The following SVIL variants were observed in gnomAD, a reference collection of about 807,000 sequenced individuals.
The protein encoded by SVIL is archvillin.
In SVIL, 101 loss-of-function variants were observed where a neutral mutation model predicts 240.4. That is an observed-to-expected ratio of 0.42 (90% CI 0.36 to 0.50). SVIL has a LOEUF of 0.50. Among genes scored for constraint, SVIL ranks in the 20% least tolerant of loss-of-function variants. The pLI, the probability that SVIL is intolerant of heterozygous loss-of-function variation, is 0.01. For missense variants in SVIL, 2,512 were observed against 2,818.7 expected, an observed-to-expected ratio of 0.89 and a Z score of 2.46; for synonymous variants, 999 against 1,100.0, an observed-to-expected ratio of 0.91 and a Z score of 1.82.
chr10:29,673,479 A>G (rs1959945424), intron 2 of SVIL, among the ~76,000 whole-genome samples: 1 of 151,992 alleles, frequency 6.6e-6, no homozygotes, highest in Non-Finnish European at 1.5e-5. Context: ...AAAGAGGGTT[A>G]ATTGACTCAC....
intron 21 of SVIL, among the ~76,000 whole-genome samples, chr10:29,491,534 T>C (rs1440229977): frequency 3.9e-5 from 6 of 152,294 alleles, no homozygotes; most frequent in South Asian, 2.1e-4. Context: ...AGCTTCCACT[T>C]AACGCACTGC....
At chr10:29,673,616 A>G (rs890292555) in intron 2 of SVIL, among the ~76,000 whole-genome samples, 5 of 148,106 alleles carry the variant, frequency 3.4e-5, no homozygotes, top group Admixed American at 6.7e-5. Flanking sequence ...CTAGGGGGGA[A>G]CTGCCAAACA....
intron 27 of SVIL, among the ~76,000 whole-genome samples, chr10:29,482,016 CTTTTCTTTTTTTT>C (rs1946920634): frequency 1.1e-5 from 1 of 93,968 alleles, no homozygotes; most frequent in African/African-American, 4.3e-5. Context: ...AAGTTCTTTT[CTTTTCTTTTTTTT>C]TTTTTTTTTT....
chr10:29,649,098 T>A (rs1958757972), intron 3 of SVIL, among the ~76,000 whole-genome samples: 1 of 152,158 alleles, frequency 6.6e-6, no homozygotes, highest in Non-Finnish European at 1.5e-5. Context: ...AGGTCAAGGC[T>A]GCAGTGAGCT....
upstream of SVIL, among the ~76,000 whole-genome samples, chr10:29,635,473 T>C (rs536938391): frequency 1.3e-5 from 2 of 152,344 alleles, no homozygotes; most frequent in Non-Finnish European, 2.9e-5. Flanking sequence ...AAGAAAGCAT[T>C]GTGCTGGAAG....
intron 16 of SVIL, among the ~76,000 whole-genome samples, chr10:29,521,998 A>T (rs1258538174): frequency 6.6e-6 from 1 of 152,224 alleles, no homozygotes; most frequent in East Asian, 1.9e-4. Flanking sequence ...CACATATTTT[A>T]CACAAAGTCA....
In SVIL at chr10:29,512,723, G is replaced by A. The variant is rs750870646; in HGVS notation, c.3516+12C>T. The A allele has an allele frequency of 6.2e-7, 1 of 1,614,136 alleles. No individual in the cohort carries two copies. The highest frequency in any genetic ancestry group is 8.5e-7 in the Non-Finnish European group (1 of 1,180,042). On this transcript the variant is annotated intron_variant, in intron 17 of 37. Transcript: ENST00000355867. Reference sequence around the variant, plus strand: ...TTAGTCGGAAGGCTTTTCCTAACATGGGGAATGTTACCTTCTTGATGAGGG... The same window carrying A: ...TTAGTCGGAAGGCTTTTCCTAACATAGGGAATGTTACCTTCTTGATGAGGG...
chr10:29,482,113 T>C (rs1946949142), intron 27 of SVIL, among the ~76,000 whole-genome samples: 1 of 151,658 alleles, frequency 6.6e-6, no homozygotes, highest in Admixed American at 6.6e-5. Context: ...CCTGCAGCCT[T>C]GAACTCCTGG....
chr10:29,539,699 TTC>T (rs1460548496), intron 6 of SVIL, among the ~76,000 whole-genome samples: 1 of 152,180 alleles, frequency 6.6e-6, no homozygotes, highest in Non-Finnish European at 1.5e-5. Flanking sequence ...CCCATCAGAC[TTC>T]TTAGCTGAGT....
At position 29,532,963 on chromosome 10, in the gene SVIL, T is replaced by C; in HGVS notation, c.1404A>G (p.Pro468=). The part of the protein sequence containing the change: ...ALEGDGLVRS[P]EDPSRNEDFG... ...AGTCCTCATTTCTAGAGGGATCTTC[T>C]GGGCTTCTCACTAGCCCATCACCCT... is the stretch of plus-strand genomic sequence containing the variant. The change falls in exon 8 of 38, where the codon CCA becomes CCG. Residue 468 remains proline (P), a synonymous_variant. Coordinates refer to ENST00000355867, the MANE Select transcript of SVIL (RefSeq NM_021738.3). 5 of 1,614,192 alleles carry C rather than the reference T, an allele frequency of 3.1e-6. No homozygotes were observed. Among genetic ancestry groups the C allele is most frequent in the Non-Finnish European group, 8.5e-7 (1 of 1,180,048 alleles).
At chr10:29,491,565 T>C (rs941217919) in intron 21 of SVIL, among the ~76,000 whole-genome samples, 2 of 152,136 alleles carry the variant, frequency 1.3e-5, no homozygotes, top group Admixed American at 6.5e-5. Context: ...AAATAACCAC[T>C]TTTTGGAAGA....
At chr10:29,531,345 G>C in intron 9 of SVIL, 57 bp from the exon 10 acceptor site, 1 of 1,450,584 alleles carries the variant, frequency 6.9e-7, no homozygotes, top group African/African-American at 1.4e-5. Context: ...GCAGAAGATC[G>C]AAATAAAACA....
intron 17 of SVIL, among the ~76,000 whole-genome samples, chr10:29,504,049 A>T (rs1949091834): frequency 6.6e-6 from 1 of 152,250 alleles, no homozygotes; most frequent in South Asian, 2.1e-4. Flanking sequence ...ATATAAATTT[A>T]GTCAACGGAT....
chr10:29,697,337 T>C (rs1177819372), intron 1 of SVIL, among the ~76,000 whole-genome samples: 6 of 85,238 alleles, frequency 7.0e-5, no homozygotes, highest in Admixed American at 1.3e-4. Context: ...TCATTGAGAA[T>C]GGGCCATGAT....
intron 1 of SVIL, among the ~76,000 whole-genome samples, chr10:29,607,382 T>G (rs535580496): frequency 6.6e-6 from 1 of 152,352 alleles, no homozygotes; most frequent in Non-Finnish European, 1.5e-5. Context: ...CCTTGCCTAG[T>G]TTATTTTTTT....
At chr10:29,636,976 A>C (rs573740582), upstream of SVIL, among the ~76,000 whole-genome samples, 4 of 151,890 alleles carry the variant, frequency 2.6e-5, no homozygotes, top group African/African-American at 9.7e-5. Context: ...TAATTTTTTA[A>C]TTTCTTAGTT....
intron 14 of SVIL, 92 bp from the exon 15 acceptor site, chr10:29,524,119 G>C: frequency 3.2e-6 from 4 of 1,258,534 alleles, no homozygotes; most frequent in Admixed American, 5.6e-5. Context: ...TGAAATACTC[G>C]ATTTGATGCA....
intron 29 of SVIL, among the ~76,000 whole-genome samples, chr10:29,477,863 C>T (rs61848916): frequency 0.067 from 10,231 of 152,254 alleles, 382 homozygotes; most frequent in South Asian, 0.094. Flanking sequence ...CGGCTCAAAT[C>T]ATATTTCCTA....
chr10:29,611,911 G>A (rs1018018113), intron 1 of SVIL, among the ~76,000 whole-genome samples: 2 of 152,178 alleles, frequency 1.3e-5, no homozygotes, highest in African/African-American at 4.8e-5. Flanking sequence ...ACCAGGGGGA[G>A]AATCTCTCAT....
Sources: gnomAD v4.1 joint callset for allele counts (sites outside exome capture counted in the v4.1 genomes callset) on GRCh38, gnomAD v4.1.1 for gene constraint, MANE v1.5 for transcripts, NCBI Gene and HGNC (gene_info 2026-07-23, HGNC 2026-07-21) for gene names.